The following MTREX variants were observed in gnomAD, a reference collection of about 807,000 sequenced individuals.
The protein encoded by MTREX is Mtr4 exosome RNA helicase, also known as exosome RNA helicase MTR4.
MTREX carries 76 observed loss-of-function variants against 135.4 expected under a neutral mutation model. That is an observed-to-expected ratio of 0.56 (90% confidence interval 0.47 to 0.68). MTREX has a LOEUF of 0.68. Ranked by LOEUF, MTREX falls within the 30% of genes least tolerant of loss-of-function variation. The pLI, the probability that MTREX is intolerant of heterozygous loss-of-function variation, is 0.00. For synonymous variants in MTREX, 404 were observed against 401.6 expected (o/e 1.01, Z -0.07); for missense variants, 920 against 1,262.1 (o/e 0.73, Z 4.11).
chr5:55,360,260 G>A (rs1011870449), intron 15 of MTREX, among the ~76,000 whole-genome samples: 3 of 152,106 alleles, frequency 2.0e-5, no homozygotes, highest in African/African-American at 7.2e-5. Context: ...TTTTATGCAT[G>A]TTGTAACATC....
chr5:55,310,374 G>A (rs1440890032), intron 1 of MTREX, among the ~76,000 whole-genome samples: 1 of 152,192 alleles, frequency 6.6e-6, no homozygotes, highest in South Asian at 2.1e-4. Context: ...TTGGGAGGCG[G>A]AGGCTGGCAG....
At chr5:55,418,411 G>T (rs915554081) in intron 25 of MTREX, among the ~76,000 whole-genome samples, 4 of 145,708 alleles carry the variant, frequency 2.7e-5, no homozygotes, top group African/African-American at 1.0e-4. Flanking sequence ...ATCCTAAACT[G>T]CCAAATTGAA....
chr5:55,347,522 C>A (rs1749758026), intron 11 of MTREX, among the ~76,000 whole-genome samples: 2 of 152,190 alleles, frequency 1.3e-5, no homozygotes, highest in Non-Finnish European at 2.9e-5. Context: ...ATGCTTCATT[C>A]TCACTGAAGT....
At chr5:55,310,399 A>G (rs10471941) in intron 1 of MTREX, among the ~76,000 whole-genome samples, 22,542 of 152,108 alleles carry the variant, frequency 0.15, 2,139 homozygotes, top group East Asian at 0.26. Flanking sequence ...CCTGAGGTCA[A>G]GAGTTCGAGA....
chr5:55,420,092 A>G (rs1249379344), intron 25 of MTREX, among the ~76,000 whole-genome samples: 1 of 152,240 alleles, frequency 6.6e-6, no homozygotes, highest in Non-Finnish European at 1.5e-5. Context: ...AGTGGGAATC[A>G]GGCACCATGC....
At chr5:55,360,490 T>C (rs1434984378) in intron 15 of MTREX, among the ~76,000 whole-genome samples, 1 of 152,106 alleles carries the variant, frequency 6.6e-6, no homozygotes, top group East Asian at 1.9e-4. Context: ...TGCAGGGTCA[T>C]AGAGTAAATC....
chr5:55,408,993 C>A (rs985097335), intron 22 of MTREX, among the ~76,000 whole-genome samples: 7 of 150,986 alleles, frequency 4.6e-5, no homozygotes, highest in Non-Finnish European at 7.4e-5. Flanking sequence ...GCTCTGTCAC[C>A]CAGGCTGGAA....
intron 1 of MTREX, among the ~76,000 whole-genome samples, chr5:55,308,365 C>T (rs940345742): frequency 2.6e-5 from 4 of 151,960 alleles, no homozygotes; most frequent in Non-Finnish European, 5.9e-5. Flanking sequence ...TGATCTTCTG[C>T]TTCAATTCCC....
At chr5:55,363,875 T>G (rs1750053981) in intron 15 of MTREX, among the ~76,000 whole-genome samples, 1 of 152,206 alleles carries the variant, frequency 6.6e-6, no homozygotes, top group African/African-American at 2.4e-5. Flanking sequence ...GTACAGTGAG[T>G]GGCATATGCT....
chr5:55,418,952 T>C (rs1751014440), intron 25 of MTREX, among the ~76,000 whole-genome samples: 1 of 152,160 alleles, frequency 6.6e-6, no homozygotes, highest in South Asian at 2.1e-4. Context: ...TAAGTGATCC[T>C]TCCACCTCAG....
intron 21 of MTREX, among the ~76,000 whole-genome samples, 176 bp downstream of exon 21, chr5:55,400,597 G>A (rs763131134): frequency 4.8e-4 from 73 of 152,142 alleles, no homozygotes; most frequent in Non-Finnish European, 9.6e-4. Flanking sequence ...ACAAGATAAA[G>A]TTCATTTTGC....
intron 26 of MTREX, chr5:55,423,533 A>G (rs1751089398): frequency 6.5e-6 from 1 of 152,842 alleles, no homozygotes; most frequent in South Asian, 2.1e-4. Context: ...AAATGATTCC[A>G]TAGTTCCCAG....
intron 11 of MTREX, among the ~76,000 whole-genome samples, chr5:55,348,866 A>G (rs769576319): frequency 1.8e-4 from 28 of 152,250 alleles, no homozygotes; most frequent in Non-Finnish European, 3.5e-4. Context: ...ATGGTTAAGA[A>G]AGAGCATGGG....
chr5:55,355,247 A>G (rs1471138702), intron 14 of MTREX, among the ~76,000 whole-genome samples: 1 of 152,182 alleles, frequency 6.6e-6, no homozygotes, highest in Non-Finnish European at 1.5e-5. Flanking sequence ...GCCAGATGCC[A>G]GATAGCACCT....
At chr5:55,415,525 A>C (rs1750953684) in intron 24 of MTREX, among the ~76,000 whole-genome samples, 1 of 152,222 alleles carries the variant, frequency 6.6e-6, no homozygotes. Context: ...CCAAGTAAAG[A>C]AGAATGAAGT....
chr5:55,357,502 G>T, intron 14 of MTREX: 1 of 155,996 alleles, frequency 6.4e-6, no homozygotes, highest in Middle Eastern at 1.1e-3. Flanking sequence ...GCTAGGGAAG[G>T]ACCTTGCTTT....
At chr5:55,411,663 T>C (rs1359540881) in intron 23 of MTREX, among the ~76,000 whole-genome samples, 1 of 152,172 alleles carries the variant, frequency 6.6e-6, no homozygotes, top group Non-Finnish European at 1.5e-5. Flanking sequence ...TGATAACAAA[T>C]AGGACAATAA....
At chr5:55,424,663 G>C in intron 26 of MTREX, 57 bp from the exon 27 acceptor site, 2 of 1,297,140 alleles carry the variant, frequency 1.5e-6, no homozygotes, top group Non-Finnish European at 2.2e-6. Context: ...TTTCGGTAGA[G>C]GCAAGTTAGG....
chr5:55,379,941 T>G (rs1450202192), intron 18 of MTREX, among the ~76,000 whole-genome samples: 2 of 152,228 alleles, frequency 1.3e-5, no homozygotes, highest in African/African-American at 4.8e-5. Flanking sequence ...TTTATTTTTT[T>G]TCTTTTTCTT....
Sources: allele counts gnomAD v4.1 joint callset (sites outside exome capture counted in the v4.1 genomes callset), GRCh38; gene constraint gnomAD v4.1.1; transcripts MANE v1.5; gene names NCBI Gene and HGNC (gene_info 2026-07-23, HGNC 2026-07-21).